The following CD7 variants were observed in gnomAD, a reference collection of about 807,000 sequenced individuals.
CD7 encodes CD7 molecule.
A neutral mutation model predicts 17.6 loss-of-function variants in CD7; 19 were observed. The observed-to-expected ratio is 1.08, with a 90% CI of 0.75 to 1.58. CD7 has a LOEUF of 1.58. Among genes scored for constraint, CD7 ranks in the 40% most tolerant of loss-of-function variants. The pLI is 0.00. For missense variants in CD7, 291 were observed against 327.1 expected, an observed-to-expected ratio of 0.89 and a Z score of 0.85; for synonymous variants, 160 against 159.8, an observed-to-expected ratio of 1.00 and a Z score of -0.01.
Position 82,316,909 on chromosome 17 carries a change from C to T in CD7, c.155G>A (p.Gly52Glu), listed in dbSNP as rs2052022636. 18 of 1,612,230 alleles carry T rather than the reference C, an allele frequency of 1.1e-5. No individual in the cohort carries two copies. The East Asian group carries it at 4.0e-4, about 36-fold the overall frequency. ...ASVNITCSTS[G>E]GLRGIYLRQL... ...CCTCAGGTAGATCCCACGCAGGCCC[C>T]CGCTGGTGGAGCAGGTGATGTTGAC... The change falls in exon 2 of 4, where the codon GGG becomes GAG. Residue 52 changes from glycine to glutamate, a missense_variant. Gly to Glu is a moderately conservative substitution (Grantham distance 98, BLOSUM62 -2). Transcript: ENST00000312648.
rs2051998177 is a variant in CD7, at chr17:82,315,343, G to C, written c.701C>G (p.Ser234Cys). Reference sequence around the variant, plus strand: ...GGGTCACTGGTACTGGTTGGGGGAGGACAGCGTGTTGCAGCGGCTGTGCGA... The same window carrying C: ...GGGTCACTGGTACTGGTTGGGGGAGCACAGCGTGTTGCAGCGGCTGTGCGA... Reference protein sequence around the residue: ...DMSHSRCNTLSSPNQYQ With the variant: ...DMSHSRCNTLCSPNQYQ The change falls in exon 4 of 4, where the codon TCC becomes TGC. Residue 234 changes from serine (S) to cysteine (C), a missense_variant. Ser to Cys is a moderately radical substitution (Grantham distance 112). Coordinates refer to ENST00000312648, the MANE Select transcript of CD7 (RefSeq NM_006137.7). 6.2e-7 allele frequency: 1 copy of C among 1,613,412 alleles called. No homozygotes were observed. The highest frequency in any genetic ancestry group is 1.7e-4 in the Middle Eastern group (1 of 6,044).
intron 3 of CD7, chr17:82,315,707 C>T (rs1184614369): frequency 1.1e-5 from 6 of 544,368 alleles, no homozygotes; most frequent in African/African-American, 9.5e-5. Context: ...CCCAGACAAA[C>T]AGCAGGGACC....
rs2051997560 is a variant in CD7 at position 82,315,282 on chromosome 17, TG to T, written c.*38del. The T allele has an allele frequency of 5.6e-6, 6 of 1,070,714 alleles. No homozygotes were observed. The highest frequency in any genetic ancestry group is 1.2e-5 in the South Asian group (1 of 80,600). 66.3% of individuals were successfully genotyped at this position (1,070,714 alleles called of 1,614,324 possible). A position where few individuals can be genotyped will look rare whatever the true frequency, so the allele number is the denominator to read the frequency against. ...GGGCATGGTGGGGCAGGGAAGGTGC[TG>T]GGGGGACCACAGGCGGGACGTGCAG... is the stretch of plus-strand genomic sequence containing the variant. On this transcript the variant is annotated 3_prime_UTR_variant, in exon 4 of 4. Coordinates refer to ENST00000312648, the MANE Select transcript of CD7 (RefSeq NM_006137.7).
In CD7 at chr17:82,315,442, G is replaced by T; in HGVS notation, c.613-11C>A. 2 of 1,608,360 alleles carry T rather than the reference G, an allele frequency of 1.2e-6. No homozygotes were observed. The highest frequency in any genetic ancestry group is 8.5e-7 in the Non-Finnish European group (1 of 1,175,052). ...GCACAGTTTCTTTATCTGAAAGACAGAACCGCCGTCTCCAACCAGTGGCCA... is the reference window on the plus strand; with the variant it reads ...GCACAGTTTCTTTATCTGAAAGACATAACCGCCGTCTCCAACCAGTGGCCA... On this transcript the variant is annotated splice_polypyrimidine_tract_variant and intron_variant, in intron 3 of 3. Coordinates refer to ENST00000312648, the MANE Select transcript of CD7 (RefSeq NM_006137.7).
At chr17:82,315,856 T>TGCACACGC in intron 3 of CD7, 1 of 592,878 alleles carries the variant, frequency 1.7e-6, no homozygotes, top group Non-Finnish European at 3.0e-6. Flanking sequence ...CCTGCACACG[T>TGCACACGC]GCACACGCGG....
rs559510018 is a variant in CD7, at chr17:82,315,297, C to T, written c.*24G>A. 2.0e-5 allele frequency: 30 copies of T among 1,520,958 alleles called. No individual in the cohort carries two copies. Among genetic ancestry groups the T allele is most frequent in the Non-Finnish European group, 2.3e-5 (25 of 1,099,296 alleles). 94.2% of individuals were successfully genotyped at this position (1,520,958 alleles called of 1,614,324 possible). A position where few individuals can be genotyped will look rare whatever the true frequency, so the allele number is the denominator to read the frequency against. ...GGGAAGGTGCTGGGGGGACCACAGG[C>T]GGGACGTGCAGGGGCCCACTGGGTC... On this transcript the variant is annotated 3_prime_UTR_variant, in exon 4 of 4. Coordinates refer to ENST00000312648, the MANE Select transcript of CD7 (RefSeq NM_006137.7).
chr17:82,314,904 C>A lies in CD7; in HGVS notation c.*417G>T. ...ACAGAAGCCTTTATTTCTGGTACGG[C>A]TGGGTGGGGGACTGGTCTCCTCCCG... On this transcript the variant is annotated 3_prime_UTR_variant, in exon 4 of 4. Coordinates refer to ENST00000312648, the MANE Select transcript of CD7 (RefSeq NM_006137.7). This position sits in a 1 kb window ranked among gnomAD's most constrained non-coding sequence, Gnocchi z 6.0. The A allele has an allele frequency of 5.5e-6, 1 of 183,218 alleles. No individual in the cohort carries two copies. Among genetic ancestry groups the A allele is most frequent in the Non-Finnish European group, 1.2e-5 (1 of 84,814 alleles). 11.3% of individuals were successfully genotyped at this position (183,218 alleles called of 1,614,324 possible). A position where few individuals can be genotyped will look rare whatever the true frequency, so the allele number is the denominator to read the frequency against.
At position 82,316,800 on chromosome 17, in the gene CD7, G is replaced by C. The variant is rs200852377; in HGVS notation, c.264C>G (p.Ile88Met). 1.5e-4 allele frequency: 237 copies of C among 1,613,944 alleles called. 3 individuals are homozygous for C. The East Asian group carries it at 3.9e-3, about 27-fold the overall frequency. ...GGTTGTCCTGGGACCCTGAGAAGTC[G>C]ATGCGGCCCCGGAACCGTCTGTCCG... ...PTTDRRFRGR[I>M]DFSGSQDNLT... The change falls in exon 2 of 4, where the codon ATC becomes ATG. Residue 88 changes from isoleucine (I) to methionine (M), a missense_variant. Physicochemically the swap from Ile to Met is conservative, Grantham distance 10. Transcript: ENST00000312648.
At position 82,317,397 on chromosome 17, in the gene CD7, G is replaced by C; in HGVS notation, c.82+17C>G. 1 of 1,548,612 alleles carries C rather than the reference G, an allele frequency of 6.5e-7. No homozygotes were observed. Among genetic ancestry groups the C allele is most frequent in the Non-Finnish European group, 8.7e-7 (1 of 1,147,734 alleles). ...AGCTCTGGAGCTGTGGCCATGGAGA[G>C]CCTGGGAAGCTCTTACCTTGGGCAG... On this transcript the variant is annotated intron_variant, in intron 1 of 3. Coordinates refer to ENST00000312648, the MANE Select transcript of CD7 (RefSeq NM_006137.7).
intron 3 of CD7, 92 bp from the exon 4 acceptor site, chr17:82,315,523 AC>A (rs1446876539): frequency 2.1e-6 from 2 of 971,136 alleles, no homozygotes; most frequent in Non-Finnish European, 3.2e-6. Context: ...TTAACACGAG[AC>A]CCCCACGGGG....
rs781698663 is a variant in CD7, at chr17:82,316,756, C to T, written c.308G>A (p.Arg103His). 21 of 1,613,642 alleles carry T rather than the reference C, an allele frequency of 1.3e-5. No individual in the cohort carries two copies. Among genetic ancestry groups the T allele is most frequent in the Middle Eastern group, 3.3e-4 (2 of 6,084 alleles). ...GGTGCCAGTGTCCGACAGCTGCAGGCGGTGCATGGTGATAGTCAGGTTGTC... is the reference window on the plus strand; with the variant it reads ...GGTGCCAGTGTCCGACAGCTGCAGGTGGTGCATGGTGATAGTCAGGTTGTC... Reference protein sequence around the residue: ...SQDNLTITMHRLQLSDTGTYT... With the variant: ...SQDNLTITMHHLQLSDTGTYT... The change falls in exon 2 of 4, where the codon CGC (arginine) becomes CAC (histidine). Residue 103 changes from arginine (R) to histidine (H), a missense_variant. By Grantham distance (29) the Arg-to-His change is conservative. Transcript: ENST00000312648.
chr17:82,315,814 A>T (rs531733659), intron 3 of CD7: 54 of 579,678 alleles, frequency 9.3e-5, no homozygotes, highest in Non-Finnish European at 1.5e-4. Context: ...ATGCACGCAC[A>T]GTCCTCAGAG....
rs2051997309 is a variant in CD7 at position 82,315,268 on chromosome 17, G to T, written c.*53C>A. ...TGTGGCAGGGTGGGGGGCATGGTGG[G>T]GCAGGGAAGGTGCTGGGGGGACCAC... is the stretch of plus-strand genomic sequence containing the variant. On this transcript the variant is annotated 3_prime_UTR_variant, in exon 4 of 4. Coordinates refer to ENST00000312648, the MANE Select transcript of CD7 (RefSeq NM_006137.7). The T allele has an allele frequency of 5.7e-6, 6 of 1,052,510 alleles. No individual in the cohort carries two copies. The highest frequency in any genetic ancestry group is 5.0e-5 in the South Asian group (4 of 80,560). The allele number at this position is 1,052,510 out of a possible 1,614,324, so 65.2% of individuals were successfully genotyped here.
intron 3 of CD7, 48 bp downstream of exon 3, chr17:82,316,147 G>A: frequency 6.5e-7 from 1 of 1,528,306 alleles, no homozygotes; most frequent in South Asian, 1.2e-5. Context: ...GCTCTCAGGA[G>A]AGGGAACAAT....
Position 82,314,971 on chromosome 17 carries a change from G to A in CD7, c.*350C>T, listed in dbSNP as rs2051993844. ...CTGGGGGTTGGGGGCCTGCTGGTGG[G>A]TGGGCCGGCACTGACAGGAGAGGGC... On this transcript the variant is annotated 3_prime_UTR_variant, in exon 4 of 4. Coordinates refer to ENST00000312648, the MANE Select transcript of CD7 (RefSeq NM_006137.7). The surrounding 1 kb of genome is among the most constrained non-coding windows in gnomAD (Gnocchi z 6.0). 7.8e-6 allele frequency: 2 copies of A among 256,496 alleles called. No homozygotes were observed. Among genetic ancestry groups the A allele is most frequent in the Admixed American group, 9.1e-5 (2 of 22,046 alleles). 15.9% of individuals were successfully genotyped at this position (256,496 alleles called of 1,614,324 possible).
chr17:82,315,293 C>T lies in CD7; in HGVS notation c.*28G>A. ...GGCAGGGAAGGTGCTGGGGGGACCA[C>T]AGGCGGGACGTGCAGGGGCCCACTG... On this transcript the variant is annotated 3_prime_UTR_variant, in exon 4 of 4. Transcript: ENST00000312648. The T allele has an allele frequency of 6.7e-7, 1 of 1,497,046 alleles. No individual in the cohort carries two copies. Among genetic ancestry groups the T allele is most frequent in the East Asian group, 2.3e-5 (1 of 44,254 alleles). The allele number at this position is 1,497,046 out of a possible 1,614,324, so 92.7% of individuals were successfully genotyped here.
Position 82,317,502 on chromosome 17 carries a change from C to G in CD7, c.-7G>C. ...GCCTCGGAGGCCCGGCCATGTTCCC[C>G]ACACCCAGCTCTCCCAGCCGGGCGA... On this transcript the variant is annotated 5_prime_UTR_variant, in exon 1 of 4. Coordinates refer to ENST00000312648, the MANE Select transcript of CD7 (RefSeq NM_006137.7). The G allele has an allele frequency of 6.4e-7, 1 of 1,561,940 alleles. No homozygotes were observed. Among genetic ancestry groups the G allele is most frequent in the Non-Finnish European group, 8.7e-7 (1 of 1,153,860 alleles).
intron 3 of CD7, 36 bp downstream of exon 3, chr17:82,316,158 CT>C (rs2052011661): frequency 6.5e-7 from 1 of 1,542,658 alleles, no homozygotes; most frequent in Non-Finnish European, 8.8e-7. Flanking sequence ...AGGGAACAAT[CT>C]TTGGGGTGCA....
At chr17:82,315,758 C>T in intron 3 of CD7, 1 of 552,166 alleles carries the variant, frequency 1.8e-6, no homozygotes, top group Non-Finnish European at 3.3e-6. Flanking sequence ...CTGTCTGAGG[C>T]CCCCTCCCCT....
Sources: allele counts gnomAD v4.1 joint callset, GRCh38; gene constraint gnomAD v4.1.1; non-coding constraint Gnocchi (gnomAD v3.1); transcripts MANE v1.5; gene names NCBI Gene and HGNC (gene_info 2026-07-23, HGNC 2026-07-21).